Variants in DST observed in about 807,000 individuals in gnomAD.
The protein encoded by DST is bullous pemphigoid antigen.
DST carries 253 observed loss-of-function variants against 875.2 expected under a neutral mutation model. The ratio of observed to expected loss-of-function variants is 0.29; its 90% CI spans 0.26 to 0.32. The LOEUF (loss-of-function observed/expected upper bound fraction) is 0.32, where lower values mean the gene tolerates loss of function less well. DST is among the 10% of genes least tolerant of loss of function. The probability of loss-of-function intolerance (pLI) is 1.00; values close to 1 mark genes in which losing one functional copy is unlikely to be tolerated. For synonymous variants in DST, 3,124 were observed against 3,197.1 expected (o/e 0.98, Z 0.77); for missense variants, 8,287 against 9,111.6 (o/e 0.91, Z 3.68).
intron 3 of DST, chr6:56,871,566 C>T: frequency 1.0e-6 from 1 of 958,226 alleles, no homozygotes; most frequent in South Asian, 1.3e-5. Flanking sequence ...ACCTAAGACA[C>T]ACTGCTGGAC....
rs1279812031 is a variant in DST, at chr6:56,714,574, C to T, written c.688-10205G>A. ...CACTCCCTTTTAAAGTGACAAGTTTCACCAAGAGCAGGCTAGAGCCAGGTA... is the reference window on the plus strand; with the variant it reads ...CACTCCCTTTTAAAGTGACAAGTTTTACCAAGAGCAGGCTAGAGCCAGGTA... On this transcript the variant is annotated intron_variant, in intron 5 of 103. Coordinates refer to ENST00000680361, the MANE Select transcript of DST (RefSeq NM_001374736.1). This position sits in a 1 kb window ranked among gnomAD's most constrained non-coding sequence, Gnocchi z 4.5. Among the ~76,000 whole-genome samples the T allele has an allele frequency of 6.6e-6, 1 of 152,192 alleles. No individual in the cohort carries two copies. The highest frequency in any genetic ancestry group is 1.5e-5 in the Non-Finnish European group (1 of 68,040).
rs761389786 is a variant in DST at position 56,572,995 on chromosome 6, T to C, written c.13306A>G (p.Met4436Val). Residue 4436 changes from methionine to valine, a missense_variant, in exon 52 of 104, where the codon ATG (methionine) becomes GTG (valine). Around this residue, in one of 10 missense-constraint regions of DST, gnomAD observed 1,513 missense variants for 1,677.8 expected, o/e 0.90. Coordinates refer to ENST00000680361, the MANE Select transcript of DST (RefSeq NM_001374736.1). ...NAMNEKVKKF[M>V]ETTDPSTASS... is the part of the protein sequence containing the mutation. ...GCAGTGGATGGATCTGTTGTTTCCA[T>C]AAATTTCTTCACTTTTTCATTCATG... 3.1e-6 allele frequency: 5 copies of C among 1,607,708 alleles called. No individual in the cohort carries two copies. The highest frequency in any genetic ancestry group is 2.2e-5 in the East Asian group (1 of 44,738).
At chr6:56,583,830 C>T (rs546243130) in intron 49 of DST, among the ~76,000 whole-genome samples, 2 of 152,270 alleles carry the variant, frequency 1.3e-5, no homozygotes, top group South Asian at 2.1e-4. Flanking sequence ...GCTGGTTTTC[C>T]CAGCACCATT....
At position 56,605,398 on chromosome 6, in the gene DST, G is replaced by C; in HGVS notation, c.9230C>G (p.Pro3077Arg). ...EEENRHLKLL[P>R]GKNTRDSFKL... ...GAAACTATCCCTTGTATTTTTACCA[G>C]GCAAAAGTTTGAGATGCCTATTTTC... Residue 3077 changes from proline (P) to arginine (R), a missense_variant, in exon 40 of 104, where the codon CCT (proline) becomes CGT (arginine). By Grantham distance (103) the Pro-to-Arg change is moderately radical. Transcript: ENST00000680361. 1.2e-6 allele frequency: 2 copies of C among 1,612,572 alleles called. No homozygotes were observed. The highest frequency in any genetic ancestry group is 1.7e-6 in the Non-Finnish European group (2 of 1,179,176).
chr6:56,603,548 A>G lies in DST; in HGVS notation c.10941+16T>C. 3 of 1,601,100 alleles carry G rather than the reference A, an allele frequency of 1.9e-6. No individual in the cohort carries two copies. Among genetic ancestry groups the G allele is most frequent in the Non-Finnish European group, 2.6e-6 (3 of 1,175,024 alleles). ...AGCTGACTACCATCCATAAAGAGGCAGTAGACAATTCTTACCTCCAACTGT... is the reference window on the plus strand; with the variant it reads ...AGCTGACTACCATCCATAAAGAGGCGGTAGACAATTCTTACCTCCAACTGT... On this transcript the variant is annotated intron_variant, in intron 41 of 103. Coordinates refer to ENST00000680361, the MANE Select transcript of DST (RefSeq NM_001374736.1).
At chr6:56,704,636 T>C (rs2099325781) in intron 5 of DST, among the ~76,000 whole-genome samples, 1 of 152,208 alleles carries the variant, frequency 6.6e-6, no homozygotes, top group South Asian at 2.1e-4. Context: ...GACTACTACA[T>C]GGGGTTACAA....
At position 56,603,919 on chromosome 6, in the gene DST, T is replaced by C. The variant is rs759775180; in HGVS notation, c.10709A>G (p.Asp3570Gly). 2.3e-5 allele frequency: 37 copies of C among 1,611,368 alleles called. No homozygotes were observed. Among genetic ancestry groups the C allele is most frequent in the Non-Finnish European group, 3.1e-5 (36 of 1,178,612 alleles). The change falls in exon 40 of 104, where the codon GAT becomes GGT. Residue 3570 changes from aspartate to glycine, a missense_variant. Physicochemically the swap from Asp to Gly is moderately conservative, Grantham distance 94 (BLOSUM62 -1). Transcript: ENST00000680361. ...ATGGCTTGGGAAATCATTACACAGA[T>C]CCTTGAGCTTCTCATCTCTTGGCAA... is the stretch of plus-strand genomic sequence containing the variant. ...STLPRDEKLK[D>G]LCNDFPSHLE...
chr6:56,526,389 A>T lies in DST; in HGVS notation c.18101T>A (p.Ile6034Asn). Residue 6034 changes from isoleucine (I) to asparagine (N), a missense_variant, in exon 69 of 104, where the codon ATC (isoleucine) becomes AAC (asparagine). Transcript: ENST00000680361. ...SDTITQKVEE[I>N]DAAILRSQQF... is the part of the protein sequence containing the mutation. ...CTGTGATCGCAGAATGGCTGCATCG[A>T]TCTCCTCCACCTTCTGAGTGATGGT... 6.2e-7 allele frequency: 1 copy of T among 1,613,796 alleles called. No homozygotes were observed. The highest frequency in any genetic ancestry group is 8.5e-7 in the Non-Finnish European group (1 of 1,179,798).
chr6:56,594,750 C>A (rs2098341684), intron 47 of DST, among the ~76,000 whole-genome samples: 1 of 152,206 alleles, frequency 6.6e-6, no homozygotes, highest in Admixed American at 6.5e-5. Flanking sequence ...AAAAGAGAAT[C>A]CTGGAGCTAC....
intron 4 of DST, among the ~76,000 whole-genome samples, chr6:56,828,006 C>T (rs2099782794): frequency 2.0e-5 from 3 of 152,150 alleles, no homozygotes; most frequent in African/African-American, 4.8e-5. Flanking sequence ...ACCTTTCATG[C>T]CTTCCACTGA....
chr6:56,695,425 A>T (rs1389251362), intron 9 of DST, among the ~76,000 whole-genome samples: 1 of 152,212 alleles, frequency 6.6e-6, no homozygotes, highest in African/African-American at 2.4e-5. Context: ...CAAACTAAGC[A>T]GCTGTCCATT....
At chr6:56,921,031 A>T (rs1399090660) in intron 2 of DST, among the ~76,000 whole-genome samples, 1 of 150,604 alleles carries the variant, frequency 6.6e-6, no homozygotes, top group African/African-American at 2.4e-5. Context: ...GGCATGAGCC[A>T]CCACGCCCAA....
chr6:56,713,372 T>C (rs1021935203), intron 5 of DST, among the ~76,000 whole-genome samples: 6 of 152,202 alleles, frequency 3.9e-5, no homozygotes, highest in South Asian at 2.1e-4. Context: ...AAATGAGCTA[T>C]AGGTTGTCAA....
At chr6:56,885,894 T>C (rs1784477788) in intron 3 of DST, among the ~76,000 whole-genome samples, 1 of 152,366 alleles carries the variant, frequency 6.6e-6, no homozygotes, top group East Asian at 1.9e-4. Flanking sequence ...CCCATCGATC[T>C]TAGTAATACT....
chr6:56,909,329 T>G (rs2127713326), intron 2 of DST, among the ~76,000 whole-genome samples: 1 of 152,272 alleles, frequency 6.6e-6, no homozygotes, highest in East Asian at 1.9e-4. Context: ...GTGACTGAGC[T>G]CTAGCCAATG....
intron 4 of DST, among the ~76,000 whole-genome samples, chr6:56,823,471 C>T (rs1424127904): frequency 7.2e-5 from 11 of 151,950 alleles, no homozygotes; most frequent in Non-Finnish European, 1.5e-4. Context: ...AGTGCAGTGC[C>T]GCAATCTCAG....
chr6:56,541,492 T>C (rs1257114254), intron 61 of DST: 1 of 152,800 alleles, frequency 6.5e-6, no homozygotes, highest in Admixed American at 6.5e-5. Flanking sequence ...CTTCGATATT[T>C]AGGTCCTCCT....
rs1270505492 is a variant in DST at position 56,511,403 on chromosome 6, A to G, written c.18577-3T>C. Reference sequence around the variant, plus strand: ...TCAGCTATCAACTCACGCAGTTGCTATAACAAACCAAACAGCTTTTCAGTA... The same window carrying G: ...TCAGCTATCAACTCACGCAGTTGCTGTAACAAACCAAACAGCTTTTCAGTA... On this transcript the variant is annotated splice_region_variant and splice_polypyrimidine_tract_variant and intron_variant, in intron 72 of 103. Transcript: ENST00000680361. The G allele has an allele frequency of 1.9e-6, 3 of 1,594,076 alleles. No individual in the cohort carries two copies. Among genetic ancestry groups the G allele is most frequent in the African/African-American group, 1.3e-5 (1 of 74,798 alleles).
At chr6:56,513,825 A>G (rs1001720023) in intron 72 of DST, among the ~76,000 whole-genome samples, 3 of 152,188 alleles carry the variant, frequency 2.0e-5, no homozygotes, top group Non-Finnish European at 4.4e-5. Flanking sequence ...CTGTCATAGG[A>G]GTCCAGTCAT....
Sources: gnomAD v4.1 joint callset for allele counts (sites outside exome capture counted in the v4.1 genomes callset) on GRCh38, gnomAD v4.1.1 for gene constraint, gnomAD v4.1.1 regional missense constraint, Gnocchi (gnomAD v3.1) non-coding constraint, MANE v1.5 for transcripts, NCBI Gene and HGNC (gene_info 2026-07-23, HGNC 2026-07-21) for gene names.